The following TMEM108 variants were observed in gnomAD, a reference collection of about 807,000 sequenced individuals.
The protein encoded by TMEM108 is transmembrane protein 108.
A neutral mutation model predicts 35.1 loss-of-function variants in TMEM108; 12 were observed. The ratio of observed to expected loss-of-function variants is 0.34; its 90% CI spans 0.22 to 0.55. The LOEUF is 0.55. Among genes scored for constraint, TMEM108 ranks in the 20% least tolerant of loss-of-function variants. The pLI, the probability that TMEM108 is intolerant of heterozygous loss-of-function variation, is 0.89. For missense variants in TMEM108, 680 were observed against 753.3 expected (o/e 0.90, Z 1.14); for synonymous variants, 287 against 308.6 (o/e 0.93, Z 0.73).
At chr3:133,099,855 C>G (rs1944064803) in intron 2 of TMEM108, among the ~76,000 whole-genome samples, 1 of 152,196 alleles carries the variant, frequency 6.6e-6, no homozygotes, top group South Asian at 2.1e-4. Flanking sequence ...CTAGGAGGCT[C>G]CAAACTTTCT....
At chr3:133,049,443 C>T (rs1038910597) in intron 2 of TMEM108, among the ~76,000 whole-genome samples, 4 of 152,146 alleles carry the variant, frequency 2.6e-5, no homozygotes, top group Admixed American at 2.0e-4. Flanking sequence ...CTGTTTTAGC[C>T]TGTGAAGACC....
At chr3:133,194,044 A>G (rs1193161810) in intron 2 of TMEM108, among the ~76,000 whole-genome samples, 1 of 150,892 alleles carries the variant, frequency 6.6e-6, no homozygotes, top group Non-Finnish European at 1.5e-5. Flanking sequence ...TCAAGTGATC[A>G]TCCTGCCTCA....
intron 2 of TMEM108, among the ~76,000 whole-genome samples, chr3:133,208,151 T>C (rs111861658): frequency 0.015 from 2,285 of 152,278 alleles, 78 homozygotes; most frequent in African/African-American, 0.051. Flanking sequence ...GGAGAGCTTG[T>C]TGAAGCACAG....
chr3:133,224,588 C>T (rs112506060), intron 2 of TMEM108, among the ~76,000 whole-genome samples: 8,753 of 152,126 alleles, frequency 0.058, 290 homozygotes, highest in African/African-American at 0.064. Context: ...TCATGAGATC[C>T]GATGGTTTTA....
At chr3:133,130,260 A>G (rs1191153906) in intron 2 of TMEM108, among the ~76,000 whole-genome samples, 2 of 152,216 alleles carry the variant, frequency 1.3e-5, no homozygotes, top group Non-Finnish European at 2.9e-5. Context: ...TTGGTGCTGC[A>G]TAACAAACCA....
At chr3:133,115,605 G>A (rs1358950636) in intron 2 of TMEM108, among the ~76,000 whole-genome samples, 1 of 152,242 alleles carries the variant, frequency 6.6e-6, no homozygotes. Flanking sequence ...ACTTGAGTTA[G>A]CCATGCCTCT....
At chr3:133,049,931 AT>A (rs1181187471) in intron 2 of TMEM108, among the ~76,000 whole-genome samples, 1 of 152,186 alleles carries the variant, frequency 6.6e-6, no homozygotes, top group African/African-American at 2.4e-5. Flanking sequence ...CCCCTGAAGA[AT>A]TAGTCTCTAA....
intron 2 of TMEM108, among the ~76,000 whole-genome samples, chr3:133,155,831 C>T (rs1944873236): frequency 6.6e-6 from 1 of 152,136 alleles, no homozygotes; most frequent in Admixed American, 6.5e-5. Context: ...TTTTGCTGTG[C>T]AAAAGCTCTT....
intron 2 of TMEM108, among the ~76,000 whole-genome samples, chr3:133,109,693 TAA>T (rs1320146223): frequency 1.3e-5 from 2 of 152,170 alleles, no homozygotes; most frequent in Non-Finnish European, 2.9e-5. Context: ...CTAAGACTCA[TAA>T]AGGTATGGAA....
intron 2 of TMEM108, among the ~76,000 whole-genome samples, chr3:133,194,108 T>C (rs1301976806): frequency 6.6e-6 from 1 of 152,098 alleles, no homozygotes; most frequent in East Asian, 1.9e-4. Context: ...GGCTAATTTT[T>C]GTATTTTTAG....
At chr3:133,186,526 A>T (rs1237238506) in intron 2 of TMEM108, among the ~76,000 whole-genome samples, 4 of 152,228 alleles carry the variant, frequency 2.6e-5, no homozygotes, top group African/African-American at 9.6e-5. Context: ...AAGGCTTAGG[A>T]ATCAAAACCC....
intron 2 of TMEM108, among the ~76,000 whole-genome samples, chr3:133,111,704 A>G (rs1045453597): frequency 1.3e-5 from 2 of 152,126 alleles, no homozygotes; most frequent in East Asian, 3.8e-4. Flanking sequence ...TAGACCCCCA[A>G]CTGTAGTCAA....
intron 3 of TMEM108, among the ~76,000 whole-genome samples, chr3:133,367,453 T>G (rs1004067131): frequency 3.3e-5 from 5 of 152,244 alleles, no homozygotes; most frequent in African/African-American, 1.2e-4. Context: ...AAAATTCAGC[T>G]TATGCCCAAA....
intron 2 of TMEM108, among the ~76,000 whole-genome samples, chr3:133,052,494 T>A (rs114302226): frequency 0.025 from 3,746 of 151,594 alleles, 138 homozygotes; most frequent in African/African-American, 0.082. Context: ...AATTTAATTT[T>A]ATTTTATTGT....
intron 2 of TMEM108, among the ~76,000 whole-genome samples, chr3:133,224,640 C>T (rs139146063): frequency 7.9e-5 from 12 of 152,180 alleles, no homozygotes; most frequent in African/African-American, 2.2e-4. Context: ...CTCTCTTGCC[C>T]GCTGCCATGT....
intron 2 of TMEM108, among the ~76,000 whole-genome samples, chr3:133,193,816 A>G (rs2107817624): frequency 6.6e-6 from 1 of 152,320 alleles, no homozygotes; most frequent in Non-Finnish European, 1.5e-5. Context: ...TTTGTATAAA[A>G]ATTGAGTTTA....
intron 1 of TMEM108, among the ~76,000 whole-genome samples, chr3:133,045,661 T>C (rs1169176823): frequency 6.6e-6 from 1 of 152,266 alleles, no homozygotes; most frequent in Non-Finnish European, 1.5e-5. Flanking sequence ...TTGGAAATTA[T>C]GTTTTAAACA....
chr3:133,287,151 G>A (rs1261814564), intron 3 of TMEM108, among the ~76,000 whole-genome samples: 1 of 152,076 alleles, frequency 6.6e-6, no homozygotes, highest in Non-Finnish European at 1.5e-5. Context: ...ATGGTTTTTG[G>A]TATTCTTAAT....
At chr3:133,054,014 T>C (rs1943435943) in intron 2 of TMEM108, among the ~76,000 whole-genome samples, 1 of 152,174 alleles carries the variant, frequency 6.6e-6, no homozygotes, top group Admixed American at 6.5e-5. Flanking sequence ...GATTTAAGGG[T>C]ATTTGCTTTA....
Sources: allele counts gnomAD v4.1 joint callset (sites outside exome capture counted in the v4.1 genomes callset), GRCh38; gene constraint gnomAD v4.1.1; transcripts MANE v1.5; gene names NCBI Gene and HGNC (gene_info 2026-07-23, HGNC 2026-07-21).